The following ZNF644 variants were observed in gnomAD, a reference collection of about 807,000 sequenced individuals.
ZNF644 encodes zinc finger protein 644, also known as zinc finger motif enhancer binding protein 2.
ZNF644 carries 20 observed loss-of-function variants against 108.0 expected under a neutral mutation model. The ratio of observed to expected loss-of-function variants is 0.19; its 90% confidence interval spans 0.13 to 0.27. ZNF644 has a LOEUF of 0.27. Ranked by LOEUF, ZNF644 falls within the 10% of genes least tolerant of loss-of-function variation. The pLI is 1.00. For missense variants in ZNF644, 1,338 were observed against 1,548.9 expected (o/e 0.86, Z 2.29); for synonymous variants, 542 against 539.1 (o/e 1.01, Z -0.08).
chr1:90,962,032 A>G (rs1169610108), intron 2 of ZNF644, among the ~76,000 whole-genome samples: 2 of 152,114 alleles, frequency 1.3e-5, no homozygotes, highest in East Asian at 1.9e-4. Context: ...GTTATTTTAA[A>G]AAGTTCAAAG....
chr1:91,001,688 C>A (rs914198471), intron 1 of ZNF644, among the ~76,000 whole-genome samples: 1 of 152,110 alleles, frequency 6.6e-6, no homozygotes, highest in Admixed American at 6.5e-5. Flanking sequence ...CTGGCCAGGA[C>A]AATCAGGCAG....
Position 90,918,049 on chromosome 1 carries a change from T to A in ZNF644, c.3791+3A>T. Reference sequence around the variant, plus strand: ...GATCAGATTTGGCAATATAGGCATATACCTGCATCGGAGAATGTAAACCTC... The same window carrying A: ...GATCAGATTTGGCAATATAGGCATAAACCTGCATCGGAGAATGTAAACCTC... On this transcript the variant is annotated splice_donor_region_variant and intron_variant, in intron 5 of 5. Transcript: ENST00000337393. The A allele has an allele frequency of 1.2e-6, 2 of 1,612,554 alleles. No homozygotes were observed. Among genetic ancestry groups the A allele is most frequent in the Non-Finnish European group, 1.7e-6 (2 of 1,178,572 alleles).
intron 1 of ZNF644, 113 bp downstream of exon 1, chr1:91,021,877 G>A (rs1439479396): frequency 5.0e-6 from 2 of 398,432 alleles, no homozygotes; most frequent in African/African-American, 2.1e-5. Flanking sequence ...GAGAGCCGGA[G>A]GCCGGGTCCC....
At chr1:90,969,914 T>C (rs1357623288) in intron 2 of ZNF644, among the ~76,000 whole-genome samples, 1 of 152,192 alleles carries the variant, frequency 6.6e-6, no homozygotes, top group Non-Finnish European at 1.5e-5. Context: ...AGCAGACTAA[T>C]ATGCTCAACT....
At chr1:90,931,646 A>T (rs1174764030) in intron 4 of ZNF644, among the ~76,000 whole-genome samples, 1 of 152,148 alleles carries the variant, frequency 6.6e-6, no homozygotes, top group Non-Finnish European at 1.5e-5. Flanking sequence ...CTGTGAAATT[A>T]TTCTTTTATG....
At chr1:90,953,925 C>A (rs1186697521) in intron 2 of ZNF644, among the ~76,000 whole-genome samples, 2 of 151,874 alleles carry the variant, frequency 1.3e-5, no homozygotes, top group Non-Finnish European at 2.9e-5. Flanking sequence ...AAAACAACAA[C>A]AACAAAAATA....
At chr1:90,928,676 T>C (rs984049671) in intron 4 of ZNF644, among the ~76,000 whole-genome samples, 1 of 152,058 alleles carries the variant, frequency 6.6e-6, no homozygotes, top group Non-Finnish European at 1.5e-5. Context: ...TACCAAGCAT[T>C]CAAAGCACCA....
chr1:90,994,427 T>C (rs542906658), intron 1 of ZNF644, among the ~76,000 whole-genome samples: 47 of 152,212 alleles, frequency 3.1e-4, no homozygotes, highest in African/African-American at 1.1e-3. Flanking sequence ...AGAAAACAGC[T>C]AGAAATTTAA....
At chr1:90,996,726 A>G (rs1017775321) in intron 1 of ZNF644, among the ~76,000 whole-genome samples, 1 of 152,196 alleles carries the variant, frequency 6.6e-6, no homozygotes, top group Non-Finnish European at 1.5e-5. Context: ...GGCTGCAGTG[A>G]GCTATGACCA....
intron 4 of ZNF644, among the ~76,000 whole-genome samples, chr1:90,925,297 AAGAAC>A (rs1238645457): frequency 5.3e-5 from 8 of 152,240 alleles, no homozygotes; most frequent in African/African-American, 1.9e-4. Context: ...CTGTGATACA[AAGAAC>A]AATGTATAGC....
chr1:91,004,661 G>T (rs1659237444), intron 1 of ZNF644, among the ~76,000 whole-genome samples: 1 of 152,114 alleles, frequency 6.6e-6, no homozygotes, highest in South Asian at 2.1e-4. Context: ...GATTTAAAAG[G>T]TATAAAAGGA....
Position 90,915,956 on chromosome 1 carries a change from A to G in ZNF644, c.*842T>C, listed in dbSNP as rs1328807495. On this transcript the variant is annotated 3_prime_UTR_variant, in exon 6 of 6. Coordinates refer to ENST00000337393, the MANE Select transcript of ZNF644 (RefSeq NM_201269.3). ...AAGCATGTCAAATTTTAGGTAAAAC[A>G]TTAAAAAGAAACAAACCTGTTAACA... 1 of 152,608 alleles carries G rather than the reference A, an allele frequency of 6.6e-6. No individual in the cohort carries two copies. The highest frequency in any genetic ancestry group is 6.5e-5 in the Admixed American group (1 of 15,276). The allele number at this position is 152,608 out of a possible 1,614,324, so 9.5% of individuals were successfully genotyped here.
At chr1:90,991,448 T>C (rs569953264) in intron 1 of ZNF644, among the ~76,000 whole-genome samples, 1 of 152,298 alleles carries the variant, frequency 6.6e-6, no homozygotes, top group South Asian at 2.1e-4. Flanking sequence ...TCCAAACAAA[T>C]GAAAGCATAT....
chr1:90,934,365 A>G (rs1249105878), intron 4 of ZNF644, among the ~76,000 whole-genome samples: 1 of 152,184 alleles, frequency 6.6e-6, no homozygotes, highest in East Asian at 1.9e-4. Flanking sequence ...AAAGCTGGGA[A>G]AACAACTAGA....
intron 2 of ZNF644, among the ~76,000 whole-genome samples, chr1:90,971,262 T>TA (rs1475071432): frequency 1.5e-5 from 2 of 136,372 alleles, no homozygotes; most frequent in East Asian, 4.3e-4. Flanking sequence ...CACAGCACAT[T>TA]AACAAAAGAA....
chr1:91,007,963 A>G lies in ZNF644; in HGVS notation c.-18+14027T>C, dbSNP rs536830737. ...GAGTAGACATACTGTAGGATTATCA[A>G]TCTGGGCCACATCTGTTATCAGTTA... On this transcript the variant is annotated intron_variant, in intron 1 of 5. Transcript: ENST00000337393. 3.9e-5 allele frequency among the ~76,000 whole-genome samples: 6 copies of G among 152,266 alleles called. No individual in the cohort carries two copies. The East Asian group carries it at 1.2e-3, about 29-fold the overall frequency.
chr1:90,969,691 A>C (rs1655266301), intron 2 of ZNF644, among the ~76,000 whole-genome samples: 1 of 152,212 alleles, frequency 6.6e-6, no homozygotes, highest in East Asian at 1.9e-4. Flanking sequence ...TGCTTGTGCT[A>C]AGTAAACCTT....
At chr1:90,922,015 T>C (rs1302363897) in intron 4 of ZNF644, among the ~76,000 whole-genome samples, 1 of 152,204 alleles carries the variant, frequency 6.6e-6, no homozygotes, top group African/African-American at 2.4e-5. Context: ...GAATTTACTT[T>C]TGACTTTGAC....
In ZNF644 at chr1:91,013,984, A is replaced by C. The variant is rs576125914; in HGVS notation, c.-18+8006T>G. On this transcript the variant is annotated intron_variant, in intron 1 of 5. Coordinates refer to ENST00000337393, the MANE Select transcript of ZNF644 (RefSeq NM_201269.3). Reference sequence around the variant, plus strand: ...TAAAATTGCATTTGTGGCTCAACTTATATTTCTATTGGGCAGTGCTGACCT... The same window carrying C: ...TAAAATTGCATTTGTGGCTCAACTTCTATTTCTATTGGGCAGTGCTGACCT... 1.6e-4 allele frequency among the ~76,000 whole-genome samples: 25 copies of C among 152,298 alleles called. No individual in the cohort carries two copies. The South Asian group carries it at 5.0e-3, about 30-fold the overall frequency.
Sources: allele counts gnomAD v4.1 joint callset (sites outside exome capture counted in the v4.1 genomes callset), GRCh38; gene constraint gnomAD v4.1.1; transcripts MANE v1.5; gene names NCBI Gene and HGNC (gene_info 2026-07-23, HGNC 2026-07-21).